Variants in SRRM3 observed in about 807,000 individuals in gnomAD.
SRRM3 encodes serine/arginine repetitive matrix protein 3.
In SRRM3, 27 loss-of-function variants were observed where a neutral mutation model predicts 66.2. The observed-to-expected ratio is 0.41, with a 90% confidence interval of 0.30 to 0.56. SRRM3 has a LOEUF of 0.56. Among genes scored for constraint, SRRM3 ranks in the 20% least tolerant of loss-of-function variants. SRRM3 has a pLI of 0.32. For synonymous variants in SRRM3, 391 were observed against 414.9 expected, an observed-to-expected ratio of 0.94 and a Z score of 0.70; for missense variants, 918 against 991.9, an observed-to-expected ratio of 0.93 and a Z score of 1.00.
chr7:76,248,243 G>A lies in SRRM3; in HGVS notation c.289G>A (p.Glu97Lys). 6.2e-7 allele frequency: 1 copy of A among 1,613,884 alleles called. No individual in the cohort carries two copies. The highest frequency in any genetic ancestry group is 8.5e-7 in the Non-Finnish European group (1 of 1,179,856). Residue 97 changes from glutamate (E) to lysine (K), a missense_variant, in exon 3 of 15, where the codon GAG becomes AAG. By Grantham distance (56) the Glu-to-Lys change is moderately conservative. Coordinates refer to ENST00000611745, the MANE Select transcript of SRRM3 (RefSeq NM_001110199.3). ...GGGGACATTCCGGCAGATGCTGATG[G>A]AGAAGGAGGGAGTGCTCACCAGGGA... is the stretch of plus-strand genomic sequence containing the variant. ...KVGTFRQMLM[E>K]KEGVLTREDR...
chr7:76,218,038 G>A (rs138606195), intron 1 of SRRM3, among the ~76,000 whole-genome samples: 51 of 152,304 alleles, frequency 3.3e-4, no homozygotes, highest in Middle Eastern at 6.8e-3. Flanking sequence ...AGAAACTGAG[G>A]CTCAGAAAGG....
intron 11 of SRRM3, chr7:76,273,169 C>G (rs1802254606): frequency 6.6e-6 from 1 of 152,248 alleles, no homozygotes; most frequent in Non-Finnish European, 1.5e-5. Flanking sequence ...CTATCTCTGC[C>G]TGACTTTGTC....
intron 5 of SRRM3, 144 bp downstream of exon 5, chr7:76,260,341 C>G: frequency 1.6e-6 from 1 of 611,154 alleles, no homozygotes; most frequent in African/African-American, 2.0e-5. Flanking sequence ...TGCCGTCCCC[C>G]GACTAGGTGC....
At position 76,286,011 on chromosome 7, in the gene SRRM3, T is replaced by C; in HGVS notation, c.*168T>C. The C allele has an allele frequency of 1.4e-6, 1 of 718,716 alleles. No individual in the cohort carries two copies. Among genetic ancestry groups the C allele is most frequent in the Non-Finnish European group, 2.3e-6 (1 of 432,056 alleles). 44.5% of individuals were successfully genotyped at this position (718,716 alleles called of 1,614,324 possible). On this transcript the variant is annotated 3_prime_UTR_variant, in exon 15 of 15. Coordinates refer to ENST00000611745, the MANE Select transcript of SRRM3 (RefSeq NM_001110199.3). ...CCGGGGAAGACTTTGAGGGTGGGCA[T>C]CCAGTGGACAAGGAGAAGCCAGATG...
chr7:76,260,709 C>T (rs569013086), intron 5 of SRRM3, among the ~76,000 whole-genome samples, 165 bp from the exon 6 acceptor site: 56 of 152,186 alleles, frequency 3.7e-4, no homozygotes, highest in African/African-American at 1.3e-3. Flanking sequence ...GGTCCCGTGC[C>T]CACCAACACT....
At chr7:76,251,167 G>T (rs1801572206) in intron 3 of SRRM3, among the ~76,000 whole-genome samples, 1 of 152,222 alleles carries the variant, frequency 6.6e-6, no homozygotes, top group Admixed American at 6.5e-5. Flanking sequence ...CGTCCTCTGT[G>T]GGGCTGTGTT....
intron 3 of SRRM3, 43 bp downstream of exon 3, chr7:76,248,332 G>C: frequency 2.0e-6 from 3 of 1,499,410 alleles, no homozygotes; most frequent in Non-Finnish European, 2.8e-6. Flanking sequence ...GGGGGTGCAG[G>C]CTCAGGCAGC....
At chr7:76,225,863 C>T (rs1554603695) in intron 1 of SRRM3, among the ~76,000 whole-genome samples, 1 of 152,154 alleles carries the variant, frequency 6.6e-6, no homozygotes, top group Admixed American at 6.5e-5. Flanking sequence ...ATTTTACAGG[C>T]AAGGAAACTG....
At chr7:76,259,851 AG>A in intron 3 of SRRM3, 54 bp from the exon 4 acceptor site, 1 of 1,596,824 alleles carries the variant, frequency 6.3e-7, no homozygotes, top group Middle Eastern at 2.2e-4. Flanking sequence ...CGCCGAGAAA[AG>A]GGGTGAAGAA....
Position 76,250,040 on chromosome 7 carries a change from TA to T in SRRM3, c.335+1752del, listed in dbSNP as rs1554606705. On this transcript the variant is annotated intron_variant, in intron 3 of 14. Transcript: ENST00000611745. ...AATCATCTTTATTTATTTATTTATTTATTTATTTTTATTTATTTTTTGACAC... is the reference window on the plus strand; with the variant it reads ...AATCATCTTTATTTATTTATTTATTTTTTATTTTTATTTATTTTTTGACAC... Among the ~76,000 whole-genome samples the T allele has an allele frequency of 5.1e-5, 7 of 137,304 alleles. No individual in the cohort carries two copies. In the East Asian group the frequency reaches 1.0e-3, roughly 20 times the overall value. The allele number at this position is 137,304 out of a possible 152,430, so 90.1% of individuals were successfully genotyped here.
At chr7:76,248,777 G>C (rs563793632) in intron 3 of SRRM3, among the ~76,000 whole-genome samples, 1 of 152,120 alleles carries the variant, frequency 6.6e-6, no homozygotes, top group Admixed American at 6.5e-5. Context: ...TCAGGAGTTC[G>C]AGACCAGCCT....
rs1273453792 is a variant in SRRM3 at position 76,285,709 on chromosome 7, A to T, written c.1828A>T (p.Ser610Cys). The change falls in exon 15 of 15, where the codon AGC (serine) becomes TGC (cysteine). Residue 610 changes from serine (S) to cysteine (C), a missense_variant. By Grantham distance (112) the Ser-to-Cys change is moderately radical. Transcript: ENST00000611745. This position sits in a 1 kb window ranked among gnomAD's most constrained non-coding sequence, Gnocchi z 4.1. ...SDYSTRSHSR[S>C]PSPGHSHGSY... ...CTACTCGACCCGGAGCCACAGCCGC[A>T]GCCCCAGCCCCGGCCACAGCCACGG... is the stretch of plus-strand genomic sequence containing the variant. 6.4e-7 allele frequency: 1 copy of T among 1,550,738 alleles called. No homozygotes were observed.
At chr7:76,244,744 C>T (rs891784899) in intron 2 of SRRM3, among the ~76,000 whole-genome samples, 3 of 152,174 alleles carry the variant, frequency 2.0e-5, no homozygotes, top group African/African-American at 7.2e-5. Context: ...TCCTCCTGAA[C>T]CCCTATGGTA....
At chr7:76,272,382 A>T (rs1554610600) in intron 11 of SRRM3, among the ~76,000 whole-genome samples, 1 of 149,558 alleles carries the variant, frequency 6.7e-6, no homozygotes, top group African/African-American at 2.4e-5. Context: ...GCAACATAGC[A>T]AGACCCCTAT....
chr7:76,238,506 G>T (rs1554605229), intron 2 of SRRM3, among the ~76,000 whole-genome samples: 3 of 152,000 alleles, frequency 2.0e-5, no homozygotes. Flanking sequence ...GATTGATGGC[G>T]TACTTGGAGT....
At chr7:76,228,268 C>T (rs1554603910) in intron 1 of SRRM3, among the ~76,000 whole-genome samples, 3 of 152,190 alleles carry the variant, frequency 2.0e-5, no homozygotes, top group Non-Finnish European at 4.4e-5. Flanking sequence ...CACTAGATGA[C>T]TTGCCTGTGA....
chr7:76,281,742 G>A lies in SRRM3; in HGVS notation c.1310G>A (p.Gly437Asp), dbSNP rs1802516824. ...AGCAGCGACTCCGGCAGCGGCCGCG[G>A]CGCCCCCGGCCCCGGGCCCGAGCCC... ...RSSSDSGSGR[G>D]APGPGPEPGS... The change falls in exon 12 of 15, where the codon GGC becomes GAC. Residue 437 changes from glycine to aspartate, a missense_variant. By Grantham distance (94) the Gly-to-Asp change is moderately conservative (BLOSUM62 -1). Coordinates refer to ENST00000611745, the MANE Select transcript of SRRM3 (RefSeq NM_001110199.3). 7 of 1,333,630 alleles carry A rather than the reference G, an allele frequency of 5.2e-6. No homozygotes were observed. Among genetic ancestry groups the A allele is most frequent in the African/African-American group, 1.6e-5 (1 of 64,378 alleles). 82.6% of individuals were successfully genotyped at this position (1,333,630 alleles called of 1,614,324 possible).
chr7:76,281,379 G>T, intron 11 of SRRM3, 62 bp from the exon 12 acceptor site: 2 of 1,132,136 alleles, frequency 1.8e-6, no homozygotes, highest in Non-Finnish European at 1.1e-6. Flanking sequence ...TTCTCTCTCT[G>T]TCTCTGTCTC....
intron 11 of SRRM3, among the ~76,000 whole-genome samples, chr7:76,278,397 G>A (rs1054751735): frequency 6.6e-6 from 1 of 152,190 alleles, no homozygotes; most frequent in Non-Finnish European, 1.5e-5. Context: ...TGAAGCAGGA[G>A]AATCGCTTGA....
Sources: gnomAD v4.1 joint callset for allele counts (sites outside exome capture counted in the v4.1 genomes callset) on GRCh38, gnomAD v4.1.1 for gene constraint, Gnocchi (gnomAD v3.1) non-coding constraint, MANE v1.5 for transcripts, NCBI Gene and HGNC (gene_info 2026-07-23, HGNC 2026-07-21) for gene names.